Variants in ZAN observed in about 807,000 individuals in gnomAD.
ZAN encodes zonadhesin.
ZAN carries 260 observed loss-of-function variants against 286.2 expected under a neutral mutation model. The ratio of observed to expected loss-of-function variants is 0.91; its 90% CI spans 0.82 to 1.01. ZAN has a LOEUF of 1.01. ZAN is among the 50% of genes least tolerant of loss of function. The pLI, the probability that ZAN is intolerant of heterozygous loss-of-function variation, is 0.00. For synonymous variants in ZAN, 1,368 were observed against 1,417.5 expected (o/e 0.97, Z 0.79); for missense variants, 3,410 against 3,639.2 (o/e 0.94, Z 1.62).
chr7:100,736,600 C>T lies in ZAN; in HGVS notation c.224C>T (p.Thr75Ile), dbSNP rs1807310123. ...AGTGGGCCCTCTCCCACCGGCTCCA[C>T]CGGGGCCCCCGGGGGGTACCCTAAC... ...RASGPSPTGS[T>I]GAPGGYPNGE... is the part of the protein sequence containing the mutation. Residue 75 changes from threonine (T) to isoleucine (I), a missense_variant, in exon 4 of 48, where the codon ACC (threonine) becomes ATC (isoleucine). Transcript: ENST00000613979. 2 of 1,522,960 alleles carry T rather than the reference C, an allele frequency of 1.3e-6. No individual in the cohort carries two copies. The highest frequency in any genetic ancestry group is 1.8e-6 in the Non-Finnish European group (2 of 1,107,498). 94.3% of individuals were successfully genotyped at this position (1,522,960 alleles called of 1,614,324 possible).
chr7:100,744,773 C>T (rs1808066674), intron 7 of ZAN, among the ~76,000 whole-genome samples: 1 of 150,578 alleles, frequency 6.6e-6, no homozygotes, highest in Non-Finnish European at 1.5e-5. Flanking sequence ...CTTTCTTTCC[C>T]TTTCCTTTTC....
rs1271032227 is a variant in ZAN, at chr7:100,792,072, G to A, written c.7636G>A (p.Ala2546Thr). The A allele has an allele frequency of 6.2e-7, 1 of 1,613,036 alleles. No homozygotes were observed. The highest frequency in any genetic ancestry group is 8.5e-7 in the Non-Finnish European group (1 of 1,179,780). The change falls in exon 41 of 48, where the codon GCC (alanine) becomes ACC (threonine). Residue 2546 changes from alanine (A) to threonine (T), a missense_variant. Transcript: ENST00000613979. The part of the protein sequence containing the change: ...PEQLASNSTQ[A>T]CRVLADPQGP... ...GCAGCTGGCGAGCAACAGCACCCAGGCCTGTAGGGTGCTGGCAGACCCCCA... is the reference window on the plus strand; with the variant it reads ...GCAGCTGGCGAGCAACAGCACCCAGACCTGTAGGGTGCTGGCAGACCCCCA...
At chr7:100,794,344 G>C (rs1169665096) in intron 44 of ZAN, 86 bp downstream of exon 44, 2 of 1,509,084 alleles carry the variant, frequency 1.3e-6, no homozygotes, top group Non-Finnish European at 8.8e-7. Context: ...TTGTCCTCAG[G>C]ACTCTTCCAC....
intron 25 of ZAN, 111 bp from the exon 26 acceptor site, chr7:100,767,720 C>A: frequency 1.6e-6 from 2 of 1,234,564 alleles, no homozygotes; most frequent in Non-Finnish European, 1.1e-6. Context: ...CTCAAGCGAT[C>A]CTCCGCCTCG....
At chr7:100,753,316 A>G in intron 14 of ZAN, 87 bp downstream of exon 14, 1 of 1,414,888 alleles carries the variant, frequency 7.1e-7, no homozygotes, top group East Asian at 2.3e-5. Context: ...TTCTGGTAGA[A>G]GCCTTCTAGT....
At chr7:100,749,751 T>A (rs1808512644) in intron 11 of ZAN, among the ~76,000 whole-genome samples, 1 of 149,008 alleles carries the variant, frequency 6.7e-6, no homozygotes, top group Non-Finnish European at 1.5e-5. Flanking sequence ...AATAATTTTT[T>A]AAAAAGACAA....
At chr7:100,773,185 C>A in intron 29 of ZAN, 100 bp from the exon 30 acceptor site, 2 of 1,335,580 alleles carry the variant, frequency 1.5e-6, no homozygotes, top group Non-Finnish European at 2.1e-6. Flanking sequence ...ATTACATGTG[C>A]GAGCTACCGC....
chr7:100,774,131 G>A (rs1032835238), intron 31 of ZAN, among the ~76,000 whole-genome samples: 4 of 152,202 alleles, frequency 2.6e-5, no homozygotes, highest in Non-Finnish European at 5.9e-5. Context: ...GCTCACACTT[G>A]TAATCTCAGC....
Position 100,751,868 on chromosome 7 carries a change from A to G in ZAN, c.1763A>G (p.Lys588Arg), listed in dbSNP as rs1808688774. 6.2e-7 allele frequency: 1 copy of G among 1,613,076 alleles called. No homozygotes were observed. The highest frequency in any genetic ancestry group is 8.5e-7 in the Non-Finnish European group (1 of 1,179,666). ...SVTTEKPTVP[K>R]EKPTIPTEKP... is the part of the protein sequence containing the mutation. ...ACCACAGAAAAGCCCACAGTCCCCA[A>G]AGAAAAGCCCACCATTCCCACAGAA... The change falls in exon 14 of 48, where the codon AAA (lysine) becomes AGA (arginine). Residue 588 changes from lysine to arginine, a missense_variant. Lys to Arg is a conservative substitution (Grantham distance 26). Transcript: ENST00000613979.
chr7:100,783,681 C>T, intron 35 of ZAN, among the ~76,000 whole-genome samples: 2 of 128,750 alleles, frequency 1.6e-5, no homozygotes, highest in Non-Finnish European at 1.6e-5. Context: ...CTGCAGTGAG[C>T]CAAGATCATT....
At chr7:100,753,257 G>C (rs1471098662) in intron 14 of ZAN, 28 bp downstream of exon 14, 2 of 1,542,592 alleles carry the variant, frequency 1.3e-6, no homozygotes, top group East Asian at 4.5e-5. Flanking sequence ...CGTGGGCCAA[G>C]GCTGAAAGTC....
intron 15 of ZAN, among the ~76,000 whole-genome samples, chr7:100,755,867 T>C (rs1412126417): frequency 6.6e-6 from 1 of 152,146 alleles, no homozygotes; most frequent in Non-Finnish European, 1.5e-5. Context: ...TCACCGTGTC[T>C]GGCTGGGCAC....
intron 29 of ZAN, among the ~76,000 whole-genome samples, chr7:100,772,691 G>T (rs1422322271): frequency 6.6e-6 from 1 of 151,554 alleles, no homozygotes; most frequent in Non-Finnish European, 1.5e-5. Flanking sequence ...CGTGGTGGTG[G>T]GCGCCTGTAG....
intron 36 of ZAN, among the ~76,000 whole-genome samples, chr7:100,785,087 C>T (rs1250751683): frequency 6.6e-6 from 1 of 152,118 alleles, no homozygotes; most frequent in East Asian, 1.9e-4. Context: ...TCATTTCAGC[C>T]TAACCTAGGA....
chr7:100,748,002 A>AAT, intron 9 of ZAN, 135 bp from the exon 10 acceptor site: 3 of 693,644 alleles, frequency 4.3e-6, no homozygotes, highest in Non-Finnish European at 7.1e-6. Context: ...AAAAAAAAAA[A>AAT]GAAAGAAAGA....
At chr7:100,748,068 C>A in intron 9 of ZAN, 69 bp from the exon 10 acceptor site, 1 of 1,305,682 alleles carries the variant, frequency 7.7e-7, no homozygotes, top group Non-Finnish European at 1.1e-6. Context: ...GGAATGGAGT[C>A]GAGTTAGATC....
At chr7:100,780,076 C>T (rs1401202639) in intron 35 of ZAN, among the ~76,000 whole-genome samples, 1 of 151,828 alleles carries the variant, frequency 6.6e-6, no homozygotes, top group Non-Finnish European at 1.5e-5. Context: ...GCCTGTAATC[C>T]CAGCTACTCG....
At position 100,767,938 on chromosome 7, in the gene ZAN, T is replaced by C. The variant is rs746125055; in HGVS notation, c.4968T>C (p.Val1656=). 2.4e-5 allele frequency: 38 copies of C among 1,613,842 alleles called. No homozygotes were observed. The highest frequency in any genetic ancestry group is 3.0e-5 in the Non-Finnish European group (35 of 1,179,884). The part of the protein sequence containing the change: ...VLLYTNFGLQ[V]RYDGSHLVEV... ...TCTACACGAACTTTGGGCTCCAAGTTCGCTACGACGGGAGCCACTTGGTGG... is the reference window on the plus strand; with the variant it reads ...TCTACACGAACTTTGGGCTCCAAGTCCGCTACGACGGGAGCCACTTGGTGG... Residue 1656 remains valine (V), a synonymous_variant, in exon 26 of 48, where the codon GTT becomes GTC. Coordinates refer to ENST00000613979, the MANE Select transcript of ZAN (RefSeq NM_003386.3).
rs989291731 is a variant in ZAN, at chr7:100,773,766, A to G, written c.5680A>G (p.Thr1894Ala). 3 of 1,611,594 alleles carry G rather than the reference A, an allele frequency of 1.9e-6. No individual in the cohort carries two copies. The African/African-American group carries it at 4.0e-5, about 22-fold the overall frequency. The change falls in exon 31 of 48, where the codon ACC (threonine) becomes GCC (alanine). Residue 1894 changes from threonine (T) to alanine (A), a missense_variant. By Grantham distance (58) the Thr-to-Ala change is moderately conservative. Coordinates refer to ENST00000613979, the MANE Select transcript of ZAN (RefSeq NM_003386.3). ...YTENTCTRLCTCSVHNNITCF... is the reference protein window; with the variant it reads ...YTENTCTRLCACSVHNNITCF... ...AGAGAACACCTGCACCAGGCTCTGC[A>G]CCTGCTCCGTCCACAACAACATCAC...
Sources: allele counts gnomAD v4.1 joint callset (sites outside exome capture counted in the v4.1 genomes callset), GRCh38; gene constraint gnomAD v4.1.1; transcripts MANE v1.5; gene names NCBI Gene and HGNC (gene_info 2026-07-23, HGNC 2026-07-21).